The following NFKB1 variants were observed in gnomAD, a reference collection of about 807,000 sequenced individuals.
The protein encoded by NFKB1 is nuclear factor NF-kappa-B p105 subunit.
Under a neutral mutation model 105.1 loss-of-function variants are expected in NFKB1, and 9 were observed. The observed-to-expected ratio is 0.09, with a 90% confidence interval of 0.05 to 0.15. NFKB1 has a LOEUF of 0.15. Among genes scored for constraint, NFKB1 ranks in the 10% least tolerant of loss-of-function variants. NFKB1 has a pLI of 1.00. For synonymous variants in NFKB1, 440 were observed against 442.2 expected (o/e 1.00, Z 0.06); for missense variants, 830 against 1,203.7 (o/e 0.69, Z 4.59).
At chr4:102,609,076 C>T (rs865925915) in intron 19 of NFKB1, among the ~76,000 whole-genome samples, 2 of 148,818 alleles carry the variant, frequency 1.3e-5, no homozygotes, top group Non-Finnish European at 3.0e-5. Context: ...TCACTTGAGC[C>T]TGTGAGTTCA....
intron 6 of NFKB1, among the ~76,000 whole-genome samples, chr4:102,576,269 T>G (rs1724811522): frequency 6.6e-6 from 1 of 152,190 alleles, no homozygotes; most frequent in Admixed American, 6.5e-5. Flanking sequence ...AGACTTTAAA[T>G]CCCATTCAGA....
chr4:102,589,551 C>T (rs564023676), intron 11 of NFKB1, among the ~76,000 whole-genome samples: 9 of 151,926 alleles, frequency 5.9e-5, no homozygotes, highest in African/African-American at 1.9e-4. Flanking sequence ...ACCCTGCTTT[C>T]CCCTGCTTCA....
At chr4:102,579,624 G>A (rs1725154572) in intron 8 of NFKB1, among the ~76,000 whole-genome samples, 1 of 110,782 alleles carries the variant, frequency 9.0e-6, no homozygotes, top group East Asian at 2.4e-4. Flanking sequence ...GCAACATAAT[G>A]AGACCCCATC....
chr4:102,599,504 C>T (rs533226044), intron 15 of NFKB1, among the ~76,000 whole-genome samples: 3 of 152,252 alleles, frequency 2.0e-5, no homozygotes, highest in African/African-American at 7.2e-5. Context: ...AGTGCTGCTG[C>T]GAGATGCTTT....
intron 6 of NFKB1, among the ~76,000 whole-genome samples, chr4:102,569,221 C>A (rs1355610472): frequency 6.6e-6 from 1 of 152,098 alleles, no homozygotes; most frequent in Non-Finnish European, 1.5e-5. Context: ...TGCTAGCATT[C>A]TGGAAACCAG....
At chr4:102,596,457 C>A in intron 14 of NFKB1, 125 bp downstream of exon 14, 1 of 692,394 alleles carries the variant, frequency 1.4e-6, no homozygotes, top group South Asian at 4.9e-5. Context: ...CTTCAAAGTT[C>A]TGTATGCCTT....
rs1240281233 is a variant in NFKB1, at chr4:102,617,179, C to T, written c.*585C>T. ...CTGAAAATGGTATTTTCCCCCTTTTCTGCATTTTGCTATTGTAAATATGTT... is the reference window on the plus strand; with the variant it reads ...CTGAAAATGGTATTTTCCCCCTTTTTTGCATTTTGCTATTGTAAATATGTT... On this transcript the variant is annotated 3_prime_UTR_variant, in exon 24 of 24. Coordinates refer to ENST00000226574, the MANE Select transcript of NFKB1 (RefSeq NM_003998.4). 4.8e-5 allele frequency: 7 copies of T among 144,872 alleles called. No homozygotes were observed. Among genetic ancestry groups the T allele is most frequent in the Non-Finnish European group, 1.1e-4 (7 of 66,472 alleles). 9.0% of individuals were successfully genotyped at this position (144,872 alleles called of 1,614,324 possible).
chr4:102,546,289 GA>G lies in NFKB1; in HGVS notation c.258+8344del, dbSNP rs747796330. Among the ~76,000 whole-genome samples the G allele has an allele frequency of 5.8e-3, 836 of 145,310 alleles. 4 individuals carry two copies. The highest frequency in any genetic ancestry group is 0.016 in the African/African-American group (638 of 39,984). On this transcript the variant is annotated intron_variant, in intron 5 of 23. Coordinates refer to ENST00000226574, the MANE Select transcript of NFKB1 (RefSeq NM_003998.4). The stretch of plus-strand genomic sequence containing the variant: ...TGAGTAGCAGAACATTGGACTGAAG[GA>G]AAAAAAAAAATGTGAAGCTGTCTTA...
chr4:102,561,470 G>A (rs576162385), intron 5 of NFKB1, among the ~76,000 whole-genome samples: 1 of 152,084 alleles, frequency 6.6e-6, no homozygotes, highest in East Asian at 1.9e-4. Context: ...AAACAAACAA[G>A]GTGTTTAGGA....
At chr4:102,613,857 AAATTT>A (rs1318548281) in intron 23 of NFKB1, among the ~76,000 whole-genome samples, 1 of 152,212 alleles carries the variant, frequency 6.6e-6, no homozygotes, top group Non-Finnish European at 1.5e-5. Flanking sequence ...GTGGGTGATT[AAATTT>A]AACACATGAG....
intron 5 of NFKB1, among the ~76,000 whole-genome samples, chr4:102,551,348 G>GTGTGTGTGTGTGTGCGCGCGCGCGCA (rs1722563669): frequency 1.6e-5 from 2 of 127,458 alleles, no homozygotes; most frequent in African/African-American, 7.6e-5. Context: ...TTCTAAATTG[G>GTGTGTGTGTGTGTGCGCGCGCGCGCA]TGTGTGTGTG....
intron 1 of NFKB1, among the ~76,000 whole-genome samples, chr4:102,523,175 T>C (rs1394576207): frequency 6.6e-6 from 1 of 152,208 alleles, no homozygotes; most frequent in Non-Finnish European, 1.5e-5. Flanking sequence ...GCCAGCATGA[T>C]AGAACTCTTA....
At chr4:102,570,577 C>CA (rs1427255825) in intron 6 of NFKB1, among the ~76,000 whole-genome samples, 1 of 152,026 alleles carries the variant, frequency 6.6e-6, no homozygotes, top group Non-Finnish European at 1.5e-5. Context: ...ATTGTGTACC[C>CA]AACAGTGGGA....
At chr4:102,589,219 A>T (rs368752579) in intron 11 of NFKB1, among the ~76,000 whole-genome samples, 64 of 152,216 alleles carry the variant, frequency 4.2e-4, no homozygotes, top group African/African-American at 1.5e-3. Context: ...AATACTAACT[A>T]GTCTCTTTGC....
At chr4:102,609,831 T>A (rs1481414236) in intron 19 of NFKB1, among the ~76,000 whole-genome samples, 1 of 152,124 alleles carries the variant, frequency 6.6e-6, no homozygotes, top group Non-Finnish European at 1.5e-5. Context: ...TCTGATGTTC[T>A]CCCAGCAAGA....
intron 2 of NFKB1, among the ~76,000 whole-genome samples, chr4:102,525,921 T>G (rs1364051557): frequency 6.6e-6 from 1 of 152,124 alleles, no homozygotes; most frequent in Non-Finnish European, 1.5e-5. Context: ...GCAGGGTTGG[T>G]TCCTTCTGGA....
chr4:102,514,271 G>C (rs1165637412), intron 1 of NFKB1, among the ~76,000 whole-genome samples: 1 of 152,078 alleles, frequency 6.6e-6, no homozygotes, highest in African/African-American at 2.4e-5. Flanking sequence ...TGACAGTTTT[G>C]TTCCTAAGCC....
chr4:102,600,525 G>A (rs1179999036), intron 15 of NFKB1, among the ~76,000 whole-genome samples: 4 of 152,194 alleles, frequency 2.6e-5, no homozygotes, highest in African/African-American at 9.7e-5. Context: ...GAAAAGTCAG[G>A]GGGAAAGGTA....
At chr4:102,547,107 A>G (rs1301859251) in intron 5 of NFKB1, among the ~76,000 whole-genome samples, 2 of 152,196 alleles carry the variant, frequency 1.3e-5, no homozygotes, top group Non-Finnish European at 2.9e-5. Flanking sequence ...CTGGCAGAAC[A>G]ATGAAAAGCA....
Sources: gnomAD v4.1 joint callset for allele counts (sites outside exome capture counted in the v4.1 genomes callset) on GRCh38, gnomAD v4.1.1 for gene constraint, MANE v1.5 for transcripts, NCBI Gene and HGNC (gene_info 2026-07-23, HGNC 2026-07-21) for gene names.